The following NTRK3 variants were observed in gnomAD, a reference collection of about 807,000 sequenced individuals.
NTRK3 encodes NT-3 growth factor receptor.
In NTRK3, 24 loss-of-function variants were observed where a neutral mutation model predicts 91.7. That is an observed-to-expected ratio of 0.26 (90% CI 0.19 to 0.37). The LOEUF (loss-of-function observed/expected upper bound fraction) is 0.37. Among genes scored for constraint, NTRK3 ranks in the 10% least tolerant of loss-of-function variants. The pLI is 1.00. For missense variants in NTRK3, 880 were observed against 1,068.9 expected (o/e 0.82, Z 2.46); for synonymous variants, 483 against 404.0 (o/e 1.20, Z -2.34).
intron 14 of NTRK3, among the ~76,000 whole-genome samples, chr15:87,987,512 TATAG>T (rs1375925178): frequency 3.3e-5 from 5 of 151,016 alleles, no homozygotes; most frequent in Non-Finnish European, 7.4e-5. Flanking sequence ...CATAGATATA[TATAG>T]ATAGATAGAT....
intron 14 of NTRK3, among the ~76,000 whole-genome samples, chr15:87,980,684 A>G (rs899126947): frequency 2.0e-5 from 3 of 152,174 alleles, no homozygotes; most frequent in Admixed American, 2.0e-4. Flanking sequence ...ATTTGATTGC[A>G]TTGAGACTTT....
At chr15:87,952,359 C>T (rs915379257) in intron 14 of NTRK3, among the ~76,000 whole-genome samples, 6 of 152,348 alleles carry the variant, frequency 3.9e-5, no homozygotes, top group East Asian at 3.9e-4. Flanking sequence ...CTAGGACACA[C>T]ACGTGCCCCC....
At chr15:87,988,017 T>C (rs1445158891) in intron 14 of NTRK3, among the ~76,000 whole-genome samples, 3 of 152,162 alleles carry the variant, frequency 2.0e-5, no homozygotes, top group African/African-American at 7.2e-5. Flanking sequence ...ACCCCTTGAG[T>C]GTACACTGTT....
chr15:87,884,849 T>C (rs893979575), intron 17 of NTRK3, among the ~76,000 whole-genome samples: 1 of 151,886 alleles, frequency 6.6e-6, no homozygotes, highest in Non-Finnish European at 1.5e-5. Context: ...AATATCATAT[T>C]TACTGACAAA....
At chr15:87,959,448 G>A (rs184513288) in intron 14 of NTRK3, among the ~76,000 whole-genome samples, 5 of 152,304 alleles carry the variant, frequency 3.3e-5, no homozygotes, top group East Asian at 1.9e-4. Flanking sequence ...AACTGAGATG[G>A]CTGCAGCTTC....
chr15:88,035,766 A>G (rs1278662101), intron 13 of NTRK3, among the ~76,000 whole-genome samples: 2 of 152,216 alleles, frequency 1.3e-5, no homozygotes, highest in Admixed American at 1.3e-4. Flanking sequence ...GCAGAAGAAG[A>G]CTTTCTAAAC....
chr15:88,137,338 G>C, intron 7 of NTRK3, 66 bp downstream of exon 7: 2 of 1,582,988 alleles, frequency 1.3e-6, no homozygotes, highest in Non-Finnish European at 1.7e-6. Context: ...GTAACGTCCA[G>C]CACCATCTCT....
At chr15:88,134,949 G>T in intron 10 of NTRK3, 152 bp downstream of exon 10, 2 of 908,624 alleles carry the variant, frequency 2.2e-6, no homozygotes, top group South Asian at 1.4e-5. Context: ...TACCAGATGC[G>T]GCTGGTGGTT....
intron 15 of NTRK3, among the ~76,000 whole-genome samples, chr15:87,935,639 A>G (rs946049139): frequency 2.6e-5 from 4 of 152,198 alleles, no homozygotes; most frequent in Non-Finnish European, 5.9e-5. Flanking sequence ...ATTTATGTGA[A>G]TGCTGGATTT....
chr15:87,916,362 T>C (rs1273486992), intron 17 of NTRK3: 2 of 520,510 alleles, frequency 3.8e-6, no homozygotes, highest in African/African-American at 1.9e-5. Context: ...GATCCTGTTA[T>C]GACACATCCG....
intron 14 of NTRK3, among the ~76,000 whole-genome samples, chr15:88,026,345 G>T (rs1453468404): frequency 6.6e-6 from 1 of 152,006 alleles, no homozygotes; most frequent in East Asian, 1.9e-4. Context: ...AGACATGGAG[G>T]ACCTTAAACA....
At chr15:88,129,265 T>C (rs2053587085) in intron 10 of NTRK3, among the ~76,000 whole-genome samples, 1 of 152,202 alleles carries the variant, frequency 6.6e-6, no homozygotes, top group Non-Finnish European at 1.5e-5. Flanking sequence ...ATCTTTGGTC[T>C]CTAGAAATAG....
chr15:87,866,855 A>T (rs1258042669), exon 19 of NTRK3: 1 of 206,434 alleles, frequency 4.8e-6, no homozygotes, highest in Non-Finnish European at 9.9e-6. Context: ...TCTGTGTGTC[A>T]ATATTATAGT....
At chr15:87,922,026 G>A (rs1414608457) in intron 17 of NTRK3, among the ~76,000 whole-genome samples, 2 of 152,170 alleles carry the variant, frequency 1.3e-5, no homozygotes, top group African/African-American at 2.4e-5. Flanking sequence ...AGAGAAGAGA[G>A]GTACCACTTA....
intron 13 of NTRK3, among the ~76,000 whole-genome samples, chr15:88,100,494 T>C (rs1434673645): frequency 1.3e-5 from 2 of 152,190 alleles, no homozygotes; most frequent in African/African-American, 4.8e-5. Context: ...TTCCATCTTC[T>C]GTGAATTCAA....
chr15:88,238,028 G>T (rs2141844522), intron 3 of NTRK3, among the ~76,000 whole-genome samples: 1 of 152,160 alleles, frequency 6.6e-6, no homozygotes, highest in South Asian at 2.1e-4. Flanking sequence ...CAAAATGACT[G>T]GTGTCCTTAT....
chr15:88,178,172 C>T (rs546316489), intron 5 of NTRK3, among the ~76,000 whole-genome samples: 1 of 152,288 alleles, frequency 6.6e-6, no homozygotes, highest in East Asian at 1.9e-4. Flanking sequence ...AGAAAAGTCT[C>T]AGTGCAGAGG....
intron 15 of NTRK3, 125 bp downstream of exon 15, chr15:87,940,497 AG>A: frequency 2.0e-6 from 3 of 1,477,210 alleles, no homozygotes; most frequent in Non-Finnish European, 2.8e-6. Context: ...CTCGGAGCAA[AG>A]TCCTTTGATT....
intron 6 of NTRK3, among the ~76,000 whole-genome samples, chr15:88,142,126 G>T (rs949037635): frequency 3.9e-5 from 6 of 152,216 alleles, no homozygotes; most frequent in African/African-American, 1.4e-4. Flanking sequence ...AAATGGTGAG[G>T]TGGGCAAGAA....
Sources: gnomAD v4.1 joint callset for allele counts (sites outside exome capture counted in the v4.1 genomes callset) on GRCh38, gnomAD v4.1.1 for gene constraint, MANE v1.5 for transcripts, NCBI Gene and HGNC (gene_info 2026-07-23, HGNC 2026-07-21) for gene names.